SNX29: variants seen among roughly 807,000 people sequenced by gnomAD.
SNX29 encodes sorting nexin 29, also known as sorting nexin-29.
A neutral mutation model predicts 102.1 loss-of-function variants in SNX29; 78 were observed. The observed-to-expected ratio is 0.76, with a 90% CI of 0.64 to 0.92. The LOEUF is 0.92. SNX29 is among the 40% of genes least tolerant of loss of function. The pLI is 0.00. For missense variants in SNX29, 1,280 were observed against 1,061.7 expected, an observed-to-expected ratio of 1.21 and a Z score of -2.86; for synonymous variants, 580 against 414.5, an observed-to-expected ratio of 1.40 and a Z score of -4.85.
chr16:12,322,218 T>G (rs1022169790), intron 15 of SNX29, among the ~76,000 whole-genome samples: 5 of 151,970 alleles, frequency 3.3e-5, no homozygotes, highest in East Asian at 3.9e-4. Context: ...GTGATGGGAG[T>G]GGGGAGAACT....
intron 5 of SNX29, among the ~76,000 whole-genome samples, chr16:12,044,671 C>T (rs1289953499): frequency 6.6e-5 from 10 of 152,126 alleles, no homozygotes; most frequent in East Asian, 3.9e-4. Flanking sequence ...CTCTGCCTCC[C>T]GGCTTCAAGC....
At chr16:12,534,130 C>T (rs1016994463) in intron 20 of SNX29, among the ~76,000 whole-genome samples, 1 of 152,242 alleles carries the variant, frequency 6.6e-6, no homozygotes, top group Non-Finnish European at 1.5e-5. Context: ...ACCAGGACAG[C>T]TCCAACACCA....
chr16:12,208,653 C>T (rs754189470), intron 14 of SNX29, among the ~76,000 whole-genome samples: 2 of 151,834 alleles, frequency 1.3e-5, no homozygotes, highest in African/African-American at 2.4e-5. Context: ...GTCTGGATGA[C>T]GGAGCAAGAG....
At chr16:12,555,023 C>T (rs1360960828) in intron 20 of SNX29, among the ~76,000 whole-genome samples, 5 of 151,870 alleles carry the variant, frequency 3.3e-5, no homozygotes, top group Non-Finnish European at 5.9e-5. Flanking sequence ...CAGGAGTGTG[C>T]CTGCCTGGTG....
chr16:12,543,936 GTT>G (rs1567682944), intron 20 of SNX29, among the ~76,000 whole-genome samples: 16 of 152,128 alleles, frequency 1.1e-4, no homozygotes. Flanking sequence ...GCACCCTCTC[GTT>G]CTAAGCGAGG....
rs893765614 is a variant in SNX29 at position 12,574,033 on chromosome 16, G to A, written c.*5404G>A. 4.1e-5 allele frequency: 8 copies of A among 194,888 alleles called. No individual in the cohort carries two copies. The highest frequency in any genetic ancestry group is 1.9e-4 in the African/African-American group (8 of 43,196). The allele number at this position is 194,888 out of a possible 1,614,324, so 12.1% of individuals were successfully genotyped here. A position where few individuals can be genotyped will look rare whatever the true frequency, so the allele number is the denominator to read the frequency against. Reference sequence around the variant, plus strand: ...AGGGTAAGCAGGCCACATATCTAGAGTCTGATAGTCTGTGTGTACATAAGG... The same window carrying A: ...AGGGTAAGCAGGCCACATATCTAGAATCTGATAGTCTGTGTGTACATAAGG... On this transcript the variant is annotated 3_prime_UTR_variant, in exon 21 of 21. Transcript: ENST00000566228.
At chr16:12,568,195 A>T (rs1281286226) in intron 20 of SNX29, among the ~76,000 whole-genome samples, 1 of 152,032 alleles carries the variant, frequency 6.6e-6, no homozygotes, top group African/African-American at 2.4e-5. Flanking sequence ...TGGGGAAGAA[A>T]GCTGTGCCTA....
At chr16:12,277,660 G>A (rs1429486052) in intron 14 of SNX29, among the ~76,000 whole-genome samples, 4 of 151,916 alleles carry the variant, frequency 2.6e-5, no homozygotes, top group Non-Finnish European at 4.4e-5. Flanking sequence ...TGGCAGCCTC[G>A]ACCTCCTGGG....
chr16:12,302,615 G>A (rs902638950), intron 15 of SNX29, among the ~76,000 whole-genome samples: 3 of 152,166 alleles, frequency 2.0e-5, no homozygotes, highest in African/African-American at 7.2e-5. Flanking sequence ...TGAGGGCTCT[G>A]CCCTCATGAC....
intron 13 of SNX29, among the ~76,000 whole-genome samples, chr16:12,180,770 C>T (rs2076365627): frequency 6.6e-6 from 1 of 152,156 alleles, no homozygotes; most frequent in African/African-American, 2.4e-5. Flanking sequence ...CAGGTGTGAG[C>T]CACCTCGCCT....
chr16:12,264,830 C>T (rs1231967295), intron 14 of SNX29, among the ~76,000 whole-genome samples: 1 of 152,050 alleles, frequency 6.6e-6, no homozygotes, highest in East Asian at 1.9e-4. Flanking sequence ...GATCTATTGC[C>T]CTCCATATCC....
chr16:12,041,905 AAAAG>A (rs1567555532), intron 4 of SNX29, among the ~76,000 whole-genome samples: 1 of 152,374 alleles, frequency 6.6e-6, no homozygotes, highest in South Asian at 2.1e-4. Context: ...TTTTTTATAA[AAAAG>A]AAAAGTGCAG....
chr16:12,018,232 A>C (rs749340419), intron 3 of SNX29, among the ~76,000 whole-genome samples: 2 of 152,132 alleles, frequency 1.3e-5, no homozygotes, highest in Non-Finnish European at 2.9e-5. Context: ...TATGCCGTTT[A>C]ACAAAATTTT....
chr16:12,376,221 G>A (rs990092306), intron 16 of SNX29, among the ~76,000 whole-genome samples: 1 of 152,124 alleles, frequency 6.6e-6, no homozygotes, highest in African/African-American at 2.4e-5. Context: ...TATCACTGAA[G>A]ACAGCCCCCA....
intron 6 of SNX29, 115 bp downstream of exon 6, chr16:12,046,569 A>G: frequency 1.1e-6 from 1 of 901,976 alleles, no homozygotes; most frequent in South Asian, 1.4e-5. Context: ...TCAACAACTC[A>G]ATGAGTCACT....
At chr16:12,381,369 G>A (rs1366227406) in intron 16 of SNX29, among the ~76,000 whole-genome samples, 2 of 6,138 alleles carry the variant, frequency 3.3e-4, no homozygotes, top group Middle Eastern at 0.062. Flanking sequence ...CCCACCCACC[G>A]ACCCATCATC....
At chr16:12,470,222 G>A (rs2087269015) in intron 18 of SNX29, among the ~76,000 whole-genome samples, 1 of 152,202 alleles carries the variant, frequency 6.6e-6, no homozygotes. Context: ...GATCATTAAG[G>A]AGTTAGTGAA....
At chr16:12,250,481 T>C (rs1319214649) in intron 14 of SNX29, among the ~76,000 whole-genome samples, 5 of 152,148 alleles carry the variant, frequency 3.3e-5, no homozygotes, top group African/African-American at 1.2e-4. Flanking sequence ...AGCACAGCTA[T>C]GGATCAAGGT....
chr16:11,994,845 A>G (rs1323340163), intron 1 of SNX29, among the ~76,000 whole-genome samples: 2 of 152,158 alleles, frequency 1.3e-5, no homozygotes, highest in African/African-American at 4.8e-5. Flanking sequence ...CTGTCTCTGC[A>G]GAGTCTCCAT....
Sources: gnomAD v4.1 joint callset for allele counts (sites outside exome capture counted in the v4.1 genomes callset) on GRCh38, gnomAD v4.1.1 for gene constraint, MANE v1.5 for transcripts, NCBI Gene and HGNC (gene_info 2026-07-23, HGNC 2026-07-21) for gene names.